Variants in MYO1H observed in about 807,000 individuals in gnomAD.
The protein encoded by MYO1H is myosin IH, also known as unconventional myosin-Ih.
Under a neutral mutation model 149.3 loss-of-function variants are expected in MYO1H, and 118 were observed. The ratio of observed to expected loss-of-function variants is 0.79; its 90% CI spans 0.68 to 0.92. The LOEUF (loss-of-function observed/expected upper bound fraction) is 0.92. Among genes scored for constraint, MYO1H ranks in the 40% least tolerant of loss-of-function variants. MYO1H has a pLI of 0.00. For missense variants in MYO1H, 1,212 were observed against 1,280.7 expected (o/e 0.95, Z 0.82); for synonymous variants, 447 against 465.2 (o/e 0.96, Z 0.50).
At chr12:109,323,868 A>G in the MYO1H span, among the ~76,000 whole-genome samples, 34 of 152,266 alleles carry the variant, frequency 2.2e-4, no homozygotes, top group Admixed American at 1.0e-3. Context: ...CAACTTGGTG[A>G]GCAAGGAATT....
chr12:109,329,153 T>C, the MYO1H span, among the ~76,000 whole-genome samples: 3 of 152,138 alleles, frequency 2.0e-5, no homozygotes, highest in Admixed American at 6.6e-5. Flanking sequence ...TCCACGTGTT[T>C]ATTGTATATA....
chr12:109,444,175 C>T (rs375331924), intron 28 of MYO1H, 38 bp from the exon 29 acceptor site: 3 of 1,510,888 alleles, frequency 2.0e-6, no homozygotes, highest in Non-Finnish European at 2.8e-6. Context: ...ATGTCAAGCT[C>T]TCTAGTTCTT....
At position 109,445,559 on chromosome 12, in the gene MYO1H, G is replaced by A. The variant is rs376994010; in HGVS notation, c.3040G>A (p.Asp1014Asn). 5.0e-6 allele frequency: 8 copies of A among 1,612,286 alleles called. No individual in the cohort carries two copies. The highest frequency in any genetic ancestry group is 2.2e-5 in the South Asian group (2 of 90,628). ...GGGAAAAGAAGGCACAATAGTTTTC[G>A]ACACTGGACTGGAAGAACAAGTCTA... Residue 1014 changes from aspartate (D) to asparagine (N), a missense_variant, in exon 31 of 32, where the codon GAC becomes AAC. Transcript: ENST00000310903.
At chr12:109,438,199 T>G (rs989751344) in intron 22 of MYO1H, among the ~76,000 whole-genome samples, 3 of 151,890 alleles carry the variant, frequency 2.0e-5, no homozygotes, top group Non-Finnish European at 2.9e-5. Flanking sequence ...TAAACCCCAG[T>G]GAGACTAAAC....
Position 109,447,121 on chromosome 12 carries a change from G to C in MYO1H, c.3094-38G>C, listed in dbSNP as rs758444751. ...CTGTTTCCTTTTGCGCAAAGGGAGC[G>C]GGGAAGGGCTGTAAACCGAAGTGTG... On this transcript the variant is annotated intron_variant, in intron 31 of 31. Coordinates refer to ENST00000310903, the Ensembl canonical transcript of MYO1H. The C allele has an allele frequency of 3.2e-6, 5 of 1,582,384 alleles. No homozygotes were observed. The African/African-American group carries it at 6.7e-5, about 21-fold the overall frequency.
At position 109,415,599 on chromosome 12, in the gene MYO1H, G is replaced by A. The variant is rs1870868221; in HGVS notation, c.1576G>A (p.Glu526Lys). The A allele has an allele frequency of 6.2e-7, 1 of 1,603,932 alleles. No individual in the cohort carries two copies. Among genetic ancestry groups the A allele is most frequent in the African/African-American group, 1.3e-5 (1 of 74,878 alleles). ...GTTCCGACTCCTCCACTATGCAGGA[G>A]AGGTCACATACTGCACCAAGGGTGA... Residue 526 changes from glutamate to lysine, a missense_variant, in exon 15 of 32, where the codon GAG (glutamate) becomes AAG (lysine). Coordinates refer to ENST00000310903, the Ensembl canonical transcript of MYO1H.
exon 25 of MYO1H, chr12:109,440,752 T>A: frequency 6.4e-7 from 1 of 1,561,596 alleles, no homozygotes. Flanking sequence ...AGGCATCAGA[T>A]CTGCTCAGGA....
upstream of MYO1H, among the ~76,000 whole-genome samples, chr12:109,346,189 C>T (rs150881461): frequency 6.6e-6 from 1 of 152,222 alleles, no homozygotes; most frequent in African/African-American, 2.4e-5. Context: ...TGTAGTATAA[C>T]AACTATTTAC....
At chr12:109,323,754 A>G in the MYO1H span, among the ~76,000 whole-genome samples, 8 of 152,318 alleles carry the variant, frequency 5.3e-5, no homozygotes, top group African/African-American at 1.7e-4. Flanking sequence ...GGTTTGATTC[A>G]TAGAGGTCAG....
chr12:109,447,333 A>T, exon 32 of MYO1H: 2 of 740,426 alleles, frequency 2.7e-6, no homozygotes, highest in East Asian at 5.4e-5. Flanking sequence ...GAGGGGCGTT[A>T]GGCCAAAGCC....
intron 18 of MYO1H, 84 bp downstream of exon 18, chr12:109,426,135 C>A: frequency 1.1e-6 from 1 of 874,998 alleles, no homozygotes; most frequent in Non-Finnish European, 1.9e-6. Flanking sequence ...GGATCCTAAA[C>A]ACCACCACAA....
intron 27 of MYO1H, among the ~76,000 whole-genome samples, chr12:109,443,047 T>TATACAC (rs1872242419): frequency 1.2e-5 from 1 of 85,964 alleles, no homozygotes. Context: ...TGTGTGTGTG[T>TATACAC]ATATATGTGT....
At chr12:109,367,558 T>C (rs998610674) in intron 1 of MYO1H, among the ~76,000 whole-genome samples, 20 of 151,882 alleles carry the variant, frequency 1.3e-4, no homozygotes, top group African/African-American at 4.1e-4. Context: ...TATTTATTTA[T>C]TTACTTATTT....
At position 109,411,342 on chromosome 12, in the gene MYO1H, A is replaced by G. The variant is rs1870659948; in HGVS notation, c.1411-552A>G. Among the ~76,000 whole-genome samples, 3 of 152,292 alleles carry G rather than the reference A, an allele frequency of 2.0e-5. No homozygotes were observed. The South Asian group carries it at 6.2e-4, about 32-fold the overall frequency. ...GGTCTTGAACTCCTGGGCTCAAGAC[A>G]TCCTCCCACCTTGGCCTGCCAAATG... is the stretch of plus-strand genomic sequence containing the variant. On this transcript the variant is annotated intron_variant, in intron 13 of 31. Coordinates refer to ENST00000310903, the Ensembl canonical transcript of MYO1H.
chr12:109,347,054 T>C (rs545004794), upstream of MYO1H, among the ~76,000 whole-genome samples: 5 of 152,262 alleles, frequency 3.3e-5, no homozygotes, highest in Admixed American at 2.6e-4. Flanking sequence ...ATGGGATTAA[T>C]AAATGAAATC....
chr12:109,439,683 G>T lies in MYO1H; in HGVS notation c.2347G>T (p.Glu783Ter). ...CAAACCCCTCTGTCCTGACAACGAG[G>T]AATTTATCGTGTTTGTGCGGAAGAA... Residue 783 changes from glutamate to a stop codon, truncating the protein, a stop_gained, in exon 24 of 32, where the codon GAA becomes TAA. Coordinates refer to ENST00000310903, the Ensembl canonical transcript of MYO1H. LOFTEE classifies it high-confidence loss of function. The T allele has an allele frequency of 6.2e-7, 1 of 1,613,806 alleles. No homozygotes were observed. Among genetic ancestry groups the T allele is most frequent in the Admixed American group, 1.7e-5 (1 of 59,998 alleles).
chr12:109,423,155 A>T (rs553894087), intron 16 of MYO1H, among the ~76,000 whole-genome samples: 1 of 150,774 alleles, frequency 6.6e-6, no homozygotes, highest in African/African-American at 2.4e-5. Context: ...CATTTTAATC[A>T]TTTTATTTAT....
At chr12:109,418,033 G>C (rs1360327534) in intron 15 of MYO1H, among the ~76,000 whole-genome samples, 1 of 151,710 alleles carries the variant, frequency 6.6e-6, no homozygotes, top group Non-Finnish European at 1.5e-5. Context: ...AGCCAGGATG[G>C]TCTCGATCTC....
intron 1 of MYO1H, among the ~76,000 whole-genome samples, chr12:109,387,033 TGTGTGTGTA>T (rs1468831786): frequency 7.5e-5 from 9 of 119,948 alleles, no homozygotes; most frequent in Admixed American, 1.7e-4. Flanking sequence ...TGTGTGTGTG[TGTGTGTGTA>T]GTGTAGTGTA....
Sources: gnomAD v4.1 joint callset for allele counts (sites outside exome capture counted in the v4.1 genomes callset) on GRCh38, gnomAD v4.1.1 for gene constraint, MANE v1.5 for transcripts, NCBI Gene and HGNC (gene_info 2026-07-23, HGNC 2026-07-21) for gene names.